The following CPNE3 variants were observed in gnomAD, a reference collection of about 807,000 sequenced individuals.
The protein encoded by CPNE3 is copine-3.
Under a neutral mutation model 63.9 loss-of-function variants are expected in CPNE3, and 68 were observed. The ratio of observed to expected loss-of-function variants is 1.06; its 90% CI spans 0.87 to 1.30. The LOEUF is 1.30. Among genes scored for constraint, CPNE3 ranks in the 50% most tolerant of loss-of-function variants. CPNE3 has a pLI of 0.00. For missense variants in CPNE3, 665 were observed against 578.1 expected (o/e 1.15, Z -1.54); for synonymous variants, 219 against 197.5 (o/e 1.11, Z -0.91).
chr8:86,520,368 C>T (rs1820407134), intron 2 of CPNE3, among the ~76,000 whole-genome samples: 1 of 137,046 alleles, frequency 7.3e-6, no homozygotes, highest in African/African-American at 2.5e-5. Flanking sequence ...CCAGCCTGGT[C>T]AACATGGTGA....
At position 86,537,738 on chromosome 8, in the gene CPNE3, A is replaced by G. The variant is rs141244064; in HGVS notation, c.543+92A>G. 90 of 783,734 alleles carry G rather than the reference A, an allele frequency of 1.1e-4. No individual in the cohort carries two copies. The Middle Eastern group carries it at 3.5e-3, about 30-fold the overall frequency. 48.5% of individuals were successfully genotyped at this position (783,734 alleles called of 1,614,324 possible). A position where few individuals can be genotyped will look rare whatever the true frequency, so the allele number is the denominator to read the frequency against. On this transcript the variant is annotated intron_variant, in intron 7 of 16. Transcript: ENST00000517490. ...AAAGCTTATATTTATAAAAGTATCA[A>G]TCTGAGTTCATACTTACATATAGCC...
chr8:86,552,160 G>C (rs752726021), intron 14 of CPNE3, among the ~76,000 whole-genome samples: 13 of 152,004 alleles, frequency 8.6e-5, no homozygotes, highest in African/African-American at 1.4e-4. Flanking sequence ...TTCTGCAAAG[G>C]GTCCTTTTGA....
intron 7 of CPNE3, among the ~76,000 whole-genome samples, chr8:86,539,309 T>C (rs1820876706): frequency 6.6e-6 from 1 of 152,184 alleles, no homozygotes; most frequent in African/African-American, 2.4e-5. Flanking sequence ...TTGTACTTTT[T>C]CTGTCCCAGA....
At chr8:86,518,315 A>G (rs917419052) in intron 2 of CPNE3, among the ~76,000 whole-genome samples, 2 of 152,004 alleles carry the variant, frequency 1.3e-5, no homozygotes, top group African/African-American at 4.8e-5. Context: ...AGAAGGGGGG[A>G]AATTCTTAAT....
intron 2 of CPNE3, among the ~76,000 whole-genome samples, chr8:86,522,810 C>T (rs1298482509): frequency 1.3e-5 from 2 of 152,036 alleles, no homozygotes; most frequent in Non-Finnish European, 2.9e-5. Context: ...CATTTTTCAG[C>T]TGAAGACTGA....
chr8:86,538,458 T>C (rs1246680724), intron 7 of CPNE3, among the ~76,000 whole-genome samples: 7 of 152,208 alleles, frequency 4.6e-5, no homozygotes, highest in Non-Finnish European at 7.3e-5. Context: ...AAATTAACAT[T>C]TGACATAGCT....
intron 12 of CPNE3, 132 bp downstream of exon 12, chr8:86,548,566 T>C (rs562012990): frequency 1.8e-6 from 2 of 1,118,158 alleles, no homozygotes; most frequent in African/African-American, 3.2e-5. Context: ...CCCCCCGTCT[T>C]ATCTTCTATT....
chr8:86,555,030 C>A (rs1821290572), intron 15 of CPNE3, 46 bp downstream of exon 15: 1 of 1,609,670 alleles, frequency 6.2e-7, no homozygotes, highest in Non-Finnish European at 8.5e-7. Context: ...GGATTGGTAG[C>A]AGCTCCTGGT....
intron 15 of CPNE3, 33 bp downstream of exon 15, chr8:86,555,017 TG>T (rs1435672297): frequency 1.2e-6 from 2 of 1,612,554 alleles, no homozygotes; most frequent in Non-Finnish European, 1.7e-6. Context: ...ATGGGAAGAA[TG>T]TGGATTGGTA....
In CPNE3 at chr8:86,538,473, G is replaced by A. The variant is rs139832772; in HGVS notation, c.543+827G>A. On this transcript the variant is annotated intron_variant, in intron 7 of 16. Transcript: ENST00000517490. ...AAATTAACATTTGACATAGCTAAAT[G>A]TAACATTATTTGGTATACCATTAAT... Among the ~76,000 whole-genome samples the A allele has an allele frequency of 1.8e-3, 280 of 152,276 alleles. 1 individual carries two copies. The highest frequency in any genetic ancestry group is 6.8e-3 in the Middle Eastern group (2 of 294).
intron 5 of CPNE3, 51 bp downstream of exon 5, chr8:86,531,280 C>T (rs1364205288): frequency 1.2e-6 from 1 of 838,478 alleles, no homozygotes; most frequent in Middle Eastern, 2.2e-4. Flanking sequence ...CATAACAGGA[C>T]ATGCCGAAAC....
chr8:86,540,920 A>T (rs562125398), intron 8 of CPNE3, among the ~76,000 whole-genome samples: 1 of 152,278 alleles, frequency 6.6e-6, no homozygotes, highest in South Asian at 2.1e-4. Flanking sequence ...GCATTTATTT[A>T]AAAAAAGAGT....
rs565483354 is a variant in CPNE3 at position 86,546,869 on chromosome 8, C to T, written c.819+188C>T. On this transcript the variant is annotated intron_variant, in intron 10 of 16. Transcript: ENST00000517490. ...GGGATTACAGGCACCCACCACTACACCTGGCTAATTTTTGTATTTTTAGTG... is the reference window on the plus strand; with the variant it reads ...GGGATTACAGGCACCCACCACTACATCTGGCTAATTTTTGTATTTTTAGTG... Among the ~76,000 whole-genome samples, 11 of 152,240 alleles carry T rather than the reference C, an allele frequency of 7.2e-5. No homozygotes were observed. In the South Asian group the frequency reaches 2.3e-3, roughly 32 times the overall value.
At chr8:86,540,198 T>C (rs16915389) in intron 7 of CPNE3, 47 bp from the exon 8 acceptor site, 290,152 of 1,171,402 alleles carry the variant, frequency 0.25, 38,600 homozygotes, top group Non-Finnish European at 0.27. Flanking sequence ...AAAATGTTAA[T>C]GAACTGGAAG....
intron 2 of CPNE3, among the ~76,000 whole-genome samples, chr8:86,518,725 C>G (rs1042171680): frequency 5.3e-5 from 8 of 151,936 alleles, no homozygotes; most frequent in Non-Finnish European, 1.0e-4. Flanking sequence ...ATTTTTTCTG[C>G]TTAGGTAGCT....
rs1339353115 is a variant in CPNE3 at position 86,540,234 on chromosome 8, C to CA, written c.544-10dup. The CA allele has an allele frequency of 6.3e-7, 1 of 1,576,138 alleles. No homozygotes were observed. The highest frequency in any genetic ancestry group is 1.4e-5 in the African/African-American group (1 of 73,890). ...TTTTTCTAACAGCTTTTTGAAACCA[C>CA]ATTTTTATAGGTTGTTAAAAACAAC... On this transcript the variant is annotated splice_polypyrimidine_tract_variant and intron_variant, in intron 7 of 16. Coordinates refer to ENST00000517490, the MANE Select transcript of CPNE3 (RefSeq NM_003909.5).
chr8:86,548,568 T>C, intron 12 of CPNE3, 134 bp downstream of exon 12: 2 of 1,109,010 alleles, frequency 1.8e-6, no homozygotes, highest in Non-Finnish European at 2.5e-6. Context: ...CCCCGTCTTA[T>C]CTTCTATTTT....
At chr8:86,540,496 G>A (rs979721898) in intron 8 of CPNE3, among the ~76,000 whole-genome samples, 162 bp downstream of exon 8, 1 of 152,120 alleles carries the variant, frequency 6.6e-6, no homozygotes. Flanking sequence ...ATGTCTTCTG[G>A]TAAGTGACAC....
At chr8:86,529,193 G>A in intron 4 of CPNE3, 69 bp downstream of exon 4, 1 of 1,348,874 alleles carries the variant, frequency 7.4e-7, no homozygotes, top group Non-Finnish European at 1.0e-6. Flanking sequence ...GGTGTTTTTG[G>A]TAAGCAGCAT....
Sources: allele counts gnomAD v4.1 joint callset (sites outside exome capture counted in the v4.1 genomes callset), GRCh38; gene constraint gnomAD v4.1.1; transcripts MANE v1.5; gene names NCBI Gene and HGNC (gene_info 2026-07-23, HGNC 2026-07-21).